The following FBXL17 variants were observed in gnomAD, a reference collection of about 807,000 sequenced individuals.
FBXL17 encodes the protein F-box/LRR-repeat protein 17.
FBXL17 carries 22 observed loss-of-function variants against 66.2 expected under a neutral mutation model. That is an observed-to-expected ratio of 0.33 (90% CI 0.24 to 0.47). The LOEUF (loss-of-function observed/expected upper bound fraction) is 0.47, where lower values mean the gene tolerates loss of function less well. FBXL17 is among the 20% of genes least tolerant of loss of function. The pLI is 1.00. For synonymous variants in FBXL17, 474 were observed against 400.5 expected (o/e 1.18, Z -2.19); for missense variants, 878 against 948.2 (o/e 0.93, Z 0.97).
chr5:108,222,831 T>A (rs561490136), intron 5 of FBXL17, among the ~76,000 whole-genome samples: 193 of 151,890 alleles, frequency 1.3e-3, no homozygotes, highest in African/African-American at 4.2e-3. Flanking sequence ...CACACCACCA[T>A]GCCCAGCTAA....
At chr5:108,204,101 C>A (rs1484478722) in intron 5 of FBXL17, among the ~76,000 whole-genome samples, 2 of 151,964 alleles carry the variant, frequency 1.3e-5, no homozygotes, top group Non-Finnish European at 2.9e-5. Flanking sequence ...CAACACATCC[C>A]AAATACTCGG....
chr5:107,943,394 C>CTCAT (rs1185794737), intron 7 of FBXL17, among the ~76,000 whole-genome samples: 2 of 152,142 alleles, frequency 1.3e-5, no homozygotes, highest in Admixed American at 1.3e-4. Flanking sequence ...GAAGCCATGA[C>CTCAT]CATCCACCTT....
chr5:107,881,300 C>A (rs948814957), intron 7 of FBXL17, 121 bp from the exon 8 acceptor site: 3 of 596,552 alleles, frequency 5.0e-6, no homozygotes, highest in Non-Finnish European at 8.5e-6. Flanking sequence ...TGTAAATGAA[C>A]GTTTTATAAA....
chr5:108,286,775 A>G (rs1008372714), intron 4 of FBXL17, among the ~76,000 whole-genome samples: 6 of 152,144 alleles, frequency 3.9e-5, no homozygotes, highest in African/African-American at 1.4e-4. Context: ...ACAGAATTAG[A>G]AAAAAACTAT....
chr5:108,164,650 A>G (rs911987020), intron 6 of FBXL17, among the ~76,000 whole-genome samples: 10 of 152,182 alleles, frequency 6.6e-5, no homozygotes, highest in Admixed American at 6.5e-4. Context: ...GTAGTTAACT[A>G]TGTGCCAGGA....
rs116570336 is a variant in FBXL17, at chr5:107,873,249, T to C, written c.1965+7788A>G. Among the ~76,000 whole-genome samples, 453 of 152,304 alleles carry C rather than the reference T, an allele frequency of 3.0e-3. 2 individuals carry two copies. The highest frequency in any genetic ancestry group is 0.01 in the African/African-American group (425 of 41,554). On this transcript the variant is annotated intron_variant, in intron 8 of 8. Coordinates refer to ENST00000542267, the MANE Select transcript of FBXL17 (RefSeq NM_001163315.3). ...TTGGCTGTCATTTAAAAATAAATAA[T>C]CAGCAATTTTACAGTACTGTAGCTG...
chr5:108,375,514 T>C (rs993367034), intron 1 of FBXL17, among the ~76,000 whole-genome samples: 2 of 152,134 alleles, frequency 1.3e-5, no homozygotes, highest in South Asian at 4.1e-4. Context: ...ACTATAATTG[T>C]ATGCTACCAA....
intron 7 of FBXL17, among the ~76,000 whole-genome samples, chr5:107,957,053 CTTTAA>C (rs774933280): frequency 1.3e-5 from 2 of 152,130 alleles, no homozygotes; most frequent in Non-Finnish European, 2.9e-5. Context: ...AGGTTGACTC[CTTTAA>C]TTTGAGATTT....
chr5:108,024,633 G>A (rs546718142), intron 6 of FBXL17, among the ~76,000 whole-genome samples: 21 of 152,232 alleles, frequency 1.4e-4, no homozygotes, highest in African/African-American at 4.8e-4. Flanking sequence ...AAATTCTTGA[G>A]TAACAGCTGT....
chr5:108,381,226 C>G lies in FBXL17; in HGVS notation c.466G>C (p.Gly156Arg). ...AAGCTGGCCAGGAAGAGACTTCGGC[C>G]CTGCTGCTCCCAGGCGGCGGCCGCA... is the stretch of plus-strand genomic sequence containing the variant. ...LAAAAAWEQQ[G>R]RSLFLASLGP... is the part of the protein sequence containing the mutation. The change falls in exon 1 of 9, where the codon GGC (glycine) becomes CGC (arginine). Residue 156 changes from glycine (G) to arginine (R), a missense_variant. Coordinates refer to ENST00000542267, the MANE Select transcript of FBXL17 (RefSeq NM_001163315.3). 23 of 1,446,648 alleles carry G rather than the reference C, an allele frequency of 1.6e-5. No individual in the cohort carries two copies. The highest frequency in any genetic ancestry group is 2.1e-5 in the Non-Finnish European group (23 of 1,101,862). 89.6% of individuals were successfully genotyped at this position (1,446,648 alleles called of 1,614,324 possible). A position where few individuals can be genotyped will look rare whatever the true frequency, so the allele number is the denominator to read the frequency against.
chr5:107,896,572 AT>A (rs540374208), intron 7 of FBXL17, among the ~76,000 whole-genome samples: 1 of 152,094 alleles, frequency 6.6e-6, no homozygotes, highest in East Asian at 1.9e-4. Flanking sequence ...GTTCTTGTCT[AT>A]TTTTTTATCA....
At chr5:107,932,078 G>A (rs956117749) in intron 7 of FBXL17, among the ~76,000 whole-genome samples, 5 of 152,128 alleles carry the variant, frequency 3.3e-5, no homozygotes, top group African/African-American at 1.2e-4. Flanking sequence ...TTGGATGTTG[G>A]TAGAAAGAGG....
chr5:108,195,210 T>G (rs969259618), intron 5 of FBXL17, among the ~76,000 whole-genome samples: 3 of 152,062 alleles, frequency 2.0e-5, no homozygotes, highest in Non-Finnish European at 2.9e-5. Flanking sequence ...TGTTAAGTAC[T>G]ATAGAGAAAA....
At chr5:108,167,807 T>C (rs1212776905) in intron 6 of FBXL17, among the ~76,000 whole-genome samples, 2 of 151,962 alleles carry the variant, frequency 1.3e-5, no homozygotes, top group East Asian at 3.9e-4. Flanking sequence ...ATAAATAACC[T>C]GAGAAAATGT....
At chr5:107,985,675 G>T (rs1359086107) in intron 7 of FBXL17, among the ~76,000 whole-genome samples, 1 of 152,032 alleles carries the variant, frequency 6.6e-6, no homozygotes, top group Non-Finnish European at 1.5e-5. Context: ...ATATACATCT[G>T]AATGATCTCA....
intron 6 of FBXL17, among the ~76,000 whole-genome samples, chr5:108,038,372 T>A (rs1746926348): frequency 6.6e-6 from 1 of 152,088 alleles, no homozygotes; most frequent in Non-Finnish European, 1.5e-5. Context: ...TTTTTTGAGA[T>A]TTATGTTAAA....
At chr5:108,167,488 T>C (rs962657437) in intron 6 of FBXL17, among the ~76,000 whole-genome samples, 14 of 152,208 alleles carry the variant, frequency 9.2e-5, no homozygotes, top group Non-Finnish European at 1.8e-4. Context: ...AGTGATAAAA[T>C]TTTGGAACAA....
intron 4 of FBXL17, among the ~76,000 whole-genome samples, chr5:108,289,423 A>G (rs549493977): frequency 6.6e-6 from 1 of 152,260 alleles, no homozygotes; most frequent in East Asian, 1.9e-4. Flanking sequence ...GATCTCACAC[A>G]CAAATAAACA....
At chr5:108,167,770 G>C (rs1225671480) in intron 6 of FBXL17, among the ~76,000 whole-genome samples, 1 of 152,030 alleles carries the variant, frequency 6.6e-6, no homozygotes, top group African/African-American at 2.4e-5. Flanking sequence ...ATTTAAGAAA[G>C]TGAAGAAGAT....
Sources: gnomAD v4.1 joint callset for allele counts (sites outside exome capture counted in the v4.1 genomes callset) on GRCh38, gnomAD v4.1.1 for gene constraint, MANE v1.5 for transcripts, NCBI Gene and HGNC (gene_info 2026-07-23, HGNC 2026-07-21) for gene names.